Variants in DDX60L observed in about 807,000 individuals in gnomAD.
DDX60L encodes probable ATP-dependent RNA helicase DDX60-like.
A neutral mutation model predicts 211.6 loss-of-function variants in DDX60L; 191 were observed. The observed-to-expected ratio is 0.90, with a 90% CI of 0.80 to 1.02. DDX60L has a LOEUF of 1.02. Among genes scored for constraint, DDX60L ranks in the 50% least tolerant of loss-of-function variants. DDX60L has a pLI of 0.00. For missense variants in DDX60L, 2,007 were observed against 1,984.1 expected (o/e 1.01, Z -0.22); for synonymous variants, 706 against 694.1 (o/e 1.02, Z -0.27).
intron 25 of DDX60L, among the ~76,000 whole-genome samples, chr4:168,402,291 A>C (rs1746972264): frequency 6.6e-6 from 1 of 152,078 alleles, no homozygotes; most frequent in Admixed American, 6.6e-5. Flanking sequence ...CCCACATACT[A>C]CTGGTTGCAA....
intron 14 of DDX60L, 69 bp downstream of exon 14, chr4:168,427,001 C>A (rs1751558836): frequency 2.8e-6 from 4 of 1,449,698 alleles, no homozygotes; most frequent in Non-Finnish European, 2.8e-6. Context: ...ACCATGCATT[C>A]AGTAAATATG....
chr4:168,378,819 C>T (rs1390932786), intron 32 of DDX60L, among the ~76,000 whole-genome samples: 4 of 152,126 alleles, frequency 2.6e-5, no homozygotes, highest in Admixed American at 6.6e-5. Context: ...ACATATCCCT[C>T]CTTTACTCAA....
chr4:168,412,733 G>C (rs780451949), intron 22 of DDX60L, among the ~76,000 whole-genome samples: 1 of 152,172 alleles, frequency 6.6e-6, no homozygotes, highest in Admixed American at 6.5e-5. Flanking sequence ...CTAGTGCTGT[G>C]CTTGATTCCA....
intron 35 of DDX60L, among the ~76,000 whole-genome samples, chr4:168,372,598 G>A (rs918385671): frequency 1.4e-4 from 22 of 151,946 alleles, no homozygotes; most frequent in African/African-American, 4.6e-4. Context: ...ATGCTGGCAC[G>A]TGCGTGTAGT....
intron 22 of DDX60L, among the ~76,000 whole-genome samples, chr4:168,413,705 T>TA (rs1195998443): frequency 6.6e-6 from 1 of 151,736 alleles, no homozygotes; most frequent in Non-Finnish European, 1.5e-5. Context: ...AAAAGAGAAT[T>TA]AAAAATGATA....
intron 25 of DDX60L, among the ~76,000 whole-genome samples, chr4:168,402,885 C>T (rs575101556): frequency 2.1e-4 from 32 of 152,278 alleles, no homozygotes; most frequent in African/African-American, 7.7e-4. Flanking sequence ...GCAAAGATCT[C>T]GTTCCCAAAC....
Position 168,373,736 on chromosome 4 carries a change from G to C in DDX60L, c.4706C>G (p.Ala1569Gly). The change falls in exon 35 of 38, where the codon GCC becomes GGC. Residue 1569 changes from alanine to glycine, a missense_variant. Ala to Gly is a moderately conservative substitution (Grantham distance 60, BLOSUM62 0). Transcript: ENST00000682922. ...CGAAAGACAAACAAATGGTGAAATGGCTACTCTTCCTTTCTTGCAGCTCAT... is the reference window on the plus strand; with the variant it reads ...CGAAAGACAAACAAATGGTGAAATGCCTACTCTTCCTTTCTTGCAGCTCAT... Reference protein sequence around the residue: ...HLMSCKKGRVAISPFVCLSGN... With the variant: ...HLMSCKKGRVGISPFVCLSGN... 6.2e-7 allele frequency: 1 copy of C among 1,613,888 alleles called. No homozygotes were observed. The highest frequency in any genetic ancestry group is 2.2e-5 in the East Asian group (1 of 44,872).
At chr4:168,453,317 T>C (rs773503443) in intron 7 of DDX60L, 35 bp from the exon 8 acceptor site, 6 of 1,572,680 alleles carry the variant, frequency 3.8e-6, no homozygotes, top group Non-Finnish European at 5.2e-6. Flanking sequence ...ACAGTCACAA[T>C]GTCACGCTGT....
At chr4:168,376,284 G>A (rs1258530816) in intron 33 of DDX60L, among the ~76,000 whole-genome samples, 1 of 151,800 alleles carries the variant, frequency 6.6e-6, no homozygotes, top group Non-Finnish European at 1.5e-5. Flanking sequence ...TTTTATAAGG[G>A]TAAAGATAAT....
At position 168,427,321 on chromosome 4, in the gene DDX60L, T is replaced by G. The variant is rs1751620693; in HGVS notation, c.1679A>C (p.Asn560Thr). Reference sequence around the variant, plus strand: ...TTTGGTAATTTGGTGGGGTTTGGTATTCTGCTCAATAATAAAAGGAACATA... The same window carrying G: ...TTTGGTAATTTGGTGGGGTTTGGTAGTCTGCTCAATAATAAAAGGAACATA... ...SSGASGEILQ[N>T]TKPHQITKKS... The change falls in exon 14 of 38, where the codon AAT (asparagine) becomes ACT (threonine). Residue 560 changes from asparagine to threonine, a missense_variant and splice_region_variant. Asn to Thr is a moderately conservative substitution (Grantham distance 65). Coordinates refer to ENST00000682922, the MANE Select transcript of DDX60L (RefSeq NM_001012967.3). 6.2e-7 allele frequency: 1 copy of G among 1,610,508 alleles called. No homozygotes were observed.
At chr4:168,422,752 C>G in intron 15 of DDX60L, 82 bp from the exon 16 acceptor site, 1 of 1,097,188 alleles carries the variant, frequency 9.1e-7, no homozygotes, top group Non-Finnish European at 1.3e-6. Context: ...TGAGCACATT[C>G]TATGCACAAG....
At chr4:168,378,272 C>A in intron 33 of DDX60L, 82 bp downstream of exon 33, 3 of 745,460 alleles carry the variant, frequency 4.0e-6, no homozygotes, top group East Asian at 3.1e-5. Flanking sequence ...ATTAATTTAA[C>A]CCTATAGGTA....
intron 30 of DDX60L, 102 bp downstream of exon 30, chr4:168,384,510 G>A: frequency 7.0e-7 from 1 of 1,431,310 alleles, no homozygotes; most frequent in Non-Finnish European, 9.6e-7. Flanking sequence ...CAAAAAGAAA[G>A]TTTATTTTCT....
At chr4:168,434,393 C>T (rs1034338690) in intron 10 of DDX60L, among the ~76,000 whole-genome samples, 3 of 152,118 alleles carry the variant, frequency 2.0e-5, no homozygotes, top group Non-Finnish European at 4.4e-5. Flanking sequence ...TGCTCACTCA[C>T]CCCATGAGGG....
At chr4:168,410,265 C>T (rs1748456854) in intron 22 of DDX60L, among the ~76,000 whole-genome samples, 1 of 151,890 alleles carries the variant, frequency 6.6e-6, no homozygotes, top group Admixed American at 6.6e-5. Context: ...CATAGAAAGA[C>T]TTCTGGAAAA....
chr4:168,363,651 A>G (rs1470220359), intron 36 of DDX60L, among the ~76,000 whole-genome samples: 1 of 152,234 alleles, frequency 6.6e-6, no homozygotes, highest in Admixed American at 6.5e-5. Flanking sequence ...TATAACTACA[A>G]GACTCTTTAT....
chr4:168,450,366 C>G (rs756708616), intron 8 of DDX60L, among the ~76,000 whole-genome samples: 5 of 151,984 alleles, frequency 3.3e-5, no homozygotes, highest in Admixed American at 6.6e-5. Flanking sequence ...AATCAGCATT[C>G]TTGGCTCACT....
chr4:168,451,997 C>T (rs896715962), intron 8 of DDX60L, among the ~76,000 whole-genome samples: 1 of 152,204 alleles, frequency 6.6e-6, no homozygotes, highest in African/African-American at 2.4e-5. Flanking sequence ...CATTCATTTC[C>T]AAAGCTTCAT....
chr4:168,371,255 T>A (rs1740961861), intron 36 of DDX60L, among the ~76,000 whole-genome samples: 1 of 150,778 alleles, frequency 6.6e-6, no homozygotes, highest in South Asian at 2.1e-4. Context: ...AAATATCTTT[T>A]TGAGCTTTGT....
Sources: gnomAD v4.1 joint callset for allele counts (sites outside exome capture counted in the v4.1 genomes callset) on GRCh38, gnomAD v4.1.1 for gene constraint, MANE v1.5 for transcripts, NCBI Gene and HGNC (gene_info 2026-07-23, HGNC 2026-07-21) for gene names.